The following PEX14 variants were observed in gnomAD, a reference collection of about 807,000 sequenced individuals.
The protein encoded by PEX14 is peroxisomal membrane protein PEX14.
A neutral mutation model predicts 49.5 loss-of-function variants in PEX14; 15 were observed. The observed-to-expected ratio is 0.30, with a 90% CI of 0.20 to 0.47. The LOEUF is 0.47. Among genes scored for constraint, PEX14 ranks in the 20% least tolerant of loss-of-function variants. The pLI, the probability that PEX14 is intolerant of heterozygous loss-of-function variation, is 1.00. For synonymous variants in PEX14, 210 were observed against 212.7 expected (o/e 0.99, Z 0.11); for missense variants, 398 against 494.8 (o/e 0.80, Z 1.86).
chr1:10,569,684 A>T (rs1473924697), intron 3 of PEX14, among the ~76,000 whole-genome samples: 1 of 152,124 alleles, frequency 6.6e-6, no homozygotes, highest in Non-Finnish European at 1.5e-5. Flanking sequence ...AAACATCTTT[A>T]ATGTGCCTTC....
chr1:10,599,908 A>G (rs1381364367), intron 4 of PEX14, among the ~76,000 whole-genome samples: 4 of 152,092 alleles, frequency 2.6e-5, no homozygotes, highest in Non-Finnish European at 4.4e-5. Context: ...TTCCTTTTTG[A>G]ATGTTTCTTT....
intron 3 of PEX14, among the ~76,000 whole-genome samples, chr1:10,566,493 CT>C (rs56355612): frequency 0.62 from 89,764 of 145,654 alleles, 28,405 homozygotes; most frequent in Admixed American, 0.7. Context: ...TTATGACTTC[CT>C]TTTTTTTTTT....
chr1:10,560,544 G>GT (rs1339200932), intron 3 of PEX14, among the ~76,000 whole-genome samples: 1 of 151,288 alleles, frequency 6.6e-6, no homozygotes, highest in Non-Finnish European at 1.5e-5. Flanking sequence ...TTGTTTCTTT[G>GT]TTTTTTGGTA....
chr1:10,584,450 T>G (rs1355286967), intron 3 of PEX14, among the ~76,000 whole-genome samples: 1 of 152,206 alleles, frequency 6.6e-6, no homozygotes, highest in African/African-American at 2.4e-5. Context: ...TATACAAGCA[T>G]GAGCTTCCCC....
chr1:10,505,790 T>G (rs1397778589), intron 2 of PEX14, among the ~76,000 whole-genome samples: 1 of 151,886 alleles, frequency 6.6e-6, no homozygotes, highest in Non-Finnish European at 1.5e-5. Context: ...AAGTGATTCT[T>G]GTGCCTCAGC....
intron 5 of PEX14, among the ~76,000 whole-genome samples, chr1:10,618,945 C>T (rs969684683): frequency 4.6e-5 from 7 of 152,320 alleles, no homozygotes; most frequent in Admixed American, 2.0e-4. Flanking sequence ...GAGCCATGCC[C>T]GGCACATGGA....
At chr1:10,526,242 GAC>G (rs1638478848) in intron 2 of PEX14, among the ~76,000 whole-genome samples, 1 of 136,324 alleles carries the variant, frequency 7.3e-6, no homozygotes, top group Non-Finnish European at 1.6e-5. Context: ...TTTTTTTTGA[GAC>G]AGAGTCGTGC....
chr1:10,624,317 C>T (rs763455380), intron 6 of PEX14, 23 bp from the exon 7 acceptor site: 1 of 1,525,828 alleles, frequency 6.6e-7, no homozygotes, highest in East Asian at 2.2e-5. Context: ...TTTGCCAGCG[C>T]CGTGACTGCT....
intron 3 of PEX14, among the ~76,000 whole-genome samples, chr1:10,596,956 T>C (rs1264089506): frequency 6.6e-6 from 1 of 152,224 alleles, no homozygotes. Context: ...TGGGCTCGGC[T>C]GCGATAATGC....
chr1:10,598,716 T>C (rs1055407252), intron 3 of PEX14, among the ~76,000 whole-genome samples: 1 of 152,246 alleles, frequency 6.6e-6, no homozygotes, highest in Admixed American at 6.5e-5. Flanking sequence ...TTCATACTAA[T>C]CACAGTCAGT....
rs1456771476 is a variant in PEX14, at chr1:10,629,947, G to A, written c.1094G>A (p.Arg365Gln). Residue 365 changes from arginine to glutamine, a missense_variant, in exon 9 of 9, where the codon CGG becomes CAG. Coordinates refer to ENST00000356607, the MANE Select transcript of PEX14 (RefSeq NM_004565.3). The surrounding 1 kb of genome is among the most constrained non-coding windows in gnomAD (Gnocchi z 8.5). ...ATCAACGAGCAGGTGGAGAAGCTGC[G>A]GCGGCCCGAGGGCGCCAGCAACGAG... ...GQINEQVEKL[R>Q]RPEGASNESE... The A allele has an allele frequency of 1.9e-6, 3 of 1,611,608 alleles. No individual in the cohort carries two copies. Among genetic ancestry groups the A allele is most frequent in the Non-Finnish European group, 2.5e-6 (3 of 1,179,700 alleles).
At chr1:10,595,996 G>A (rs1339652771) in intron 3 of PEX14, among the ~76,000 whole-genome samples, 3 of 152,224 alleles carry the variant, frequency 2.0e-5, no homozygotes, top group Admixed American at 6.5e-5. Context: ...TCAGCAGTTT[G>A]TCTTGGCAGT....
chr1:10,478,169 G>A (rs1015546565), intron 1 of PEX14, among the ~76,000 whole-genome samples: 2 of 152,242 alleles, frequency 1.3e-5, no homozygotes, highest in Middle Eastern at 3.4e-3. Flanking sequence ...TATTACAGGC[G>A]TGAGCCACTG....
rs1232310605 is a variant in PEX14, at chr1:10,495,366, G to A, written c.84+45G>A. ...GGTATCACTTTCTAGTAATTAAAAT[G>A]CCACGCGAGTGAAAAGAAACCTTCT... On this transcript the variant is annotated intron_variant, in intron 2 of 8. Coordinates refer to ENST00000356607, the MANE Select transcript of PEX14 (RefSeq NM_004565.3). This position sits in a 1 kb window ranked among gnomAD's most constrained non-coding sequence, Gnocchi z 4.2. 6.7e-7 allele frequency: 1 copy of A among 1,488,220 alleles called. No individual in the cohort carries two copies. 92.2% of individuals were successfully genotyped at this position (1,488,220 alleles called of 1,614,324 possible). A position where few individuals can be genotyped will look rare whatever the true frequency, so the allele number is the denominator to read the frequency against.
intron 2 of PEX14, among the ~76,000 whole-genome samples, chr1:10,506,433 C>T (rs1641784311): frequency 6.6e-6 from 1 of 152,176 alleles, no homozygotes; most frequent in African/African-American, 2.4e-5. Flanking sequence ...CATGCGCCGC[C>T]ATGCCCGGCT....
chr1:10,581,385 C>T (rs1640312456), intron 3 of PEX14, among the ~76,000 whole-genome samples: 1 of 149,934 alleles, frequency 6.7e-6, no homozygotes, highest in East Asian at 2.0e-4. Flanking sequence ...CGGCTCACTG[C>T]AACCTGTGTC....
intron 2 of PEX14, among the ~76,000 whole-genome samples, chr1:10,515,038 G>A (rs1190448855): frequency 6.6e-6 from 1 of 152,208 alleles, no homozygotes; most frequent in Non-Finnish European, 1.5e-5. Flanking sequence ...GAGCCAGGCT[G>A]CTGCCTGGTC....
intron 3 of PEX14, among the ~76,000 whole-genome samples, chr1:10,537,341 A>ACCAACCCC (rs796854134): frequency 3.5e-5 from 1 of 28,430 alleles, no homozygotes; most frequent in African/African-American, 1.4e-4. Flanking sequence ...TTGTGCCAGC[A>ACCAACCCC]CCCCCCCCCC....
intron 3 of PEX14, among the ~76,000 whole-genome samples, chr1:10,554,330 C>T (rs1639425402): frequency 6.8e-6 from 1 of 147,502 alleles, no homozygotes; most frequent in Admixed American, 6.8e-5. Context: ...GAGAAGTTTA[C>T]AAAATGTGTG....
Sources: gnomAD v4.1 joint callset for allele counts (sites outside exome capture counted in the v4.1 genomes callset) on GRCh38, gnomAD v4.1.1 for gene constraint, Gnocchi (gnomAD v3.1) non-coding constraint, MANE v1.5 for transcripts, NCBI Gene and HGNC (gene_info 2026-07-23, HGNC 2026-07-21) for gene names.